The following CTDSPL variants were observed in gnomAD, a reference collection of about 807,000 sequenced individuals.
CTDSPL encodes CTD small phosphatase-like protein.
Under a neutral mutation model 30.5 loss-of-function variants are expected in CTDSPL, and 8 were observed. That is an observed-to-expected ratio of 0.26 (90% CI 0.15 to 0.47). CTDSPL has a LOEUF of 0.47. Ranked by LOEUF, CTDSPL falls within the 20% of genes least tolerant of loss-of-function variation. The pLI is 0.99. For missense variants in CTDSPL, 248 were observed against 366.1 expected (o/e 0.68, Z 2.63); for synonymous variants, 110 against 137.9 (o/e 0.80, Z 1.42).
At chr3:37,898,874 C>T (rs775895284) in intron 1 of CTDSPL, among the ~76,000 whole-genome samples, 14 of 152,092 alleles carry the variant, frequency 9.2e-5, no homozygotes, top group Non-Finnish European at 1.8e-4. Flanking sequence ...AGAGAAGCCT[C>T]ATATCTTATG....
At chr3:37,924,057 T>C (rs2125611785) in intron 1 of CTDSPL, among the ~76,000 whole-genome samples, 1 of 152,382 alleles carries the variant, frequency 6.6e-6, no homozygotes, top group Non-Finnish European at 1.5e-5. Context: ...AGAGTTTCTA[T>C]GTTTGAAAAC....
intron 1 of CTDSPL, among the ~76,000 whole-genome samples, chr3:37,931,698 G>A (rs189698661): frequency 4.0e-5 from 6 of 151,688 alleles, no homozygotes; most frequent in African/African-American, 1.5e-4. Flanking sequence ...GGTTACTATA[G>A]TGCTTACATG....
At chr3:37,895,749 G>C (rs1451867675) in intron 1 of CTDSPL, among the ~76,000 whole-genome samples, 1 of 152,090 alleles carries the variant, frequency 6.6e-6, no homozygotes, top group African/African-American at 2.4e-5. Flanking sequence ...CTATGGTAGA[G>C]GAAAAATAAT....
intron 1 of CTDSPL, among the ~76,000 whole-genome samples, chr3:37,941,223 C>T (rs905137148): frequency 6.7e-6 from 1 of 149,996 alleles, no homozygotes; most frequent in African/African-American, 2.4e-5. Context: ...ACATCTCCAG[C>T]TCTTCACAAC....
rs1698603364 is a variant in CTDSPL, at chr3:37,913,217, G to A, written c.80-33840G>A. Among the ~76,000 whole-genome samples the A allele has an allele frequency of 2.0e-5, 3 of 152,196 alleles. No homozygotes were observed. In the South Asian group the frequency reaches 6.2e-4, roughly 32 times the overall value. On this transcript the variant is annotated intron_variant, in intron 1 of 7. Transcript: ENST00000273179. ...TACCTGTAGTCCTAGCTACTCAGGA[G>A]GCTGAGGTGGGAGGATCGCTTGAGC...
intron 1 of CTDSPL, among the ~76,000 whole-genome samples, chr3:37,917,634 A>T (rs1451773555): frequency 6.6e-6 from 1 of 152,224 alleles, no homozygotes; most frequent in Admixed American, 6.5e-5. Flanking sequence ...TTTAGTACAC[A>T]GTATCACTCA....
At chr3:37,918,321 C>G (rs975878914) in intron 1 of CTDSPL, among the ~76,000 whole-genome samples, 2 of 152,116 alleles carry the variant, frequency 1.3e-5, no homozygotes, top group African/African-American at 4.8e-5. Flanking sequence ...TCCTTCTGTA[C>G]CCACTCAGCC....
chr3:37,941,284 G>C (rs1025795399), intron 1 of CTDSPL, among the ~76,000 whole-genome samples: 2 of 150,226 alleles, frequency 1.3e-5, no homozygotes, highest in East Asian at 3.9e-4. Context: ...AATGGAGAAA[G>C]TTAAGTCTTT....
chr3:37,886,451 C>G (rs1009107162), intron 1 of CTDSPL, among the ~76,000 whole-genome samples: 4 of 152,156 alleles, frequency 2.6e-5, no homozygotes, highest in African/African-American at 9.7e-5. Context: ...CTACTTTAGC[C>G]CATAGTGATT....
In CTDSPL at chr3:37,984,464, AC is replaced by A; in HGVS notation, c.*3598del. On this transcript the variant is annotated 3_prime_UTR_variant, in exon 8 of 8. Coordinates refer to ENST00000273179, the MANE Select transcript of CTDSPL (RefSeq NM_001008392.2). The stretch of plus-strand genomic sequence containing the variant: ...TTCCTGCCAAAAATAAACATGTGAA[AC>A]TGCACTCTTTTGTGGATTGACTACT... The A allele has an allele frequency of 2.6e-6, 1 of 379,908 alleles. No individual in the cohort carries two copies. Among genetic ancestry groups the A allele is most frequent in the African/African-American group, 2.1e-5 (1 of 48,012 alleles). The allele number at this position is 379,908 out of a possible 1,614,324, so 23.5% of individuals were successfully genotyped here. A position where few individuals can be genotyped will look rare whatever the true frequency, so the allele number is the denominator to read the frequency against.
chr3:37,864,284 T>C (rs1697980985), intron 1 of CTDSPL, among the ~76,000 whole-genome samples: 1 of 152,246 alleles, frequency 6.6e-6, no homozygotes, highest in South Asian at 2.1e-4. Flanking sequence ...ACTTTCCCTT[T>C]TCCTCTAGGT....
intron 1 of CTDSPL, among the ~76,000 whole-genome samples, chr3:37,895,902 T>G (rs1698385602): frequency 6.6e-6 from 1 of 152,192 alleles, no homozygotes; most frequent in Admixed American, 6.5e-5. Flanking sequence ...TGAACTGTAG[T>G]TAATGACAGG....
At chr3:37,873,648 T>C (rs1375680168) in intron 1 of CTDSPL, among the ~76,000 whole-genome samples, 1 of 152,250 alleles carries the variant, frequency 6.6e-6, no homozygotes, top group Non-Finnish European at 1.5e-5. Flanking sequence ...CCCTGATTTT[T>C]AGACCTACCC....
At chr3:37,948,813 T>C (rs1699073408) in intron 2 of CTDSPL, among the ~76,000 whole-genome samples, 1 of 127,498 alleles carries the variant, frequency 7.8e-6, no homozygotes, top group Non-Finnish European at 1.6e-5. Context: ...GCTTTCTTTT[T>C]TTTTTTTTTT....
intron 1 of CTDSPL, among the ~76,000 whole-genome samples, chr3:37,928,766 A>G (rs1166681060): frequency 1.3e-5 from 2 of 152,142 alleles, no homozygotes; most frequent in African/African-American, 4.8e-5. Flanking sequence ...TTTGCTGCAT[A>G]GAAGCTATTT....
At chr3:37,967,515 A>G (rs1235268758) in intron 4 of CTDSPL, among the ~76,000 whole-genome samples, 1 of 152,222 alleles carries the variant, frequency 6.6e-6, no homozygotes, top group African/African-American at 2.4e-5. Context: ...TCACCCCAGC[A>G]AGACTCTGGG....
chr3:37,904,077 G>T (rs1698484200), intron 1 of CTDSPL, among the ~76,000 whole-genome samples: 1 of 152,234 alleles, frequency 6.6e-6, no homozygotes, highest in African/African-American at 2.4e-5. Flanking sequence ...TGGAAGGCAG[G>T]ATAGTAAATC....
chr3:37,887,219 T>A (rs1698273245), intron 1 of CTDSPL, among the ~76,000 whole-genome samples: 1 of 152,160 alleles, frequency 6.6e-6, no homozygotes, highest in Admixed American at 6.5e-5. Flanking sequence ...ATAGTAGAAT[T>A]CTTGTGGGAA....
chr3:37,972,916 A>G (rs370410731), intron 6 of CTDSPL, among the ~76,000 whole-genome samples: 4 of 152,322 alleles, frequency 2.6e-5, no homozygotes, highest in African/African-American at 9.6e-5. Flanking sequence ...ATCACACAGT[A>G]GCTTCCTCCG....
Sources: allele counts gnomAD v4.1 joint callset (sites outside exome capture counted in the v4.1 genomes callset), GRCh38; gene constraint gnomAD v4.1.1; transcripts MANE v1.5; gene names NCBI Gene and HGNC (gene_info 2026-07-23, HGNC 2026-07-21).